The following DTX1 variants were observed in gnomAD, a reference collection of about 807,000 sequenced individuals.
DTX1 encodes E3 ubiquitin-protein ligase DTX1.
A neutral mutation model predicts 57.8 loss-of-function variants in DTX1; 26 were observed. That is an observed-to-expected ratio of 0.45 (90% CI 0.33 to 0.62). The LOEUF is 0.62. Ranked by LOEUF, DTX1 falls within the 20% of genes least tolerant of loss-of-function variation. The pLI is 0.02. For synonymous variants in DTX1, 398 were observed against 394.1 expected (o/e 1.01, Z -0.12); for missense variants, 704 against 895.3 (o/e 0.79, Z 2.73).
At chr12:113,081,629 G>T (rs2044818138) in intron 3 of DTX1, among the ~76,000 whole-genome samples, 1 of 152,206 alleles carries the variant, frequency 6.6e-6, no homozygotes, top group Non-Finnish European at 1.5e-5. Context: ...GAGGTGGCCA[G>T]ATGTGGAGAA....
chr12:113,079,515 C>CTTTTTTTTTTT lies in DTX1; in HGVS notation c.941+1430_941+1440dup, dbSNP rs3038193. 3.9e-5 allele frequency among the ~76,000 whole-genome samples: 3 copies of CTTTTTTTTTTT among 77,174 alleles called. 1 individual carries two copies. The highest frequency in any genetic ancestry group is 4.8e-4 in the South Asian group (1 of 2,072). The allele number at this position is 77,174 out of a possible 152,430, so 50.6% of individuals were successfully genotyped here. A position where few individuals can be genotyped will look rare whatever the true frequency, so the allele number is the denominator to read the frequency against. On this transcript the variant is annotated intron_variant, in intron 3 of 9. Coordinates refer to ENST00000548759, the MANE Select transcript of DTX1 (RefSeq NM_004416.3). ...TTCGAATCCCCTCTTGGCCACTTCT[C>CTTTTTTTTTTT]TTTTTTTTTTTTTTTTTTTTTTTTT...
At position 113,058,077 on chromosome 12, in the gene DTX1, G is replaced by A; in HGVS notation, c.-116G>A. 7.0e-7 allele frequency: 1 copy of A among 1,424,580 alleles called. No individual in the cohort carries two copies. Among genetic ancestry groups the A allele is most frequent in the Non-Finnish European group, 9.2e-7 (1 of 1,086,468 alleles). 88.2% of individuals were successfully genotyped at this position (1,424,580 alleles called of 1,614,324 possible). ...AGAGAGAACCCAGAGTTAGAAAGGA[G>A]GCCAGACGGTCCTTGCTGTCCCCCT... On this transcript the variant is annotated 5_prime_UTR_variant, in exon 2 of 10. Coordinates refer to ENST00000548759, the MANE Select transcript of DTX1 (RefSeq NM_004416.3).
At chr12:113,075,891 G>A (rs748904459) in intron 2 of DTX1, among the ~76,000 whole-genome samples, 1 of 152,156 alleles carries the variant, frequency 6.6e-6, no homozygotes, top group Non-Finnish European at 1.5e-5. Flanking sequence ...AGCACCTGCT[G>A]TGTGCAGGTG....
Position 113,077,965 on chromosome 12 carries a change from C to G in DTX1, c.801C>G (p.Ala267=), listed in dbSNP as rs958846705. The change falls in exon 3 of 10, where the codon GCC becomes GCG. Residue 267 remains alanine, a synonymous_variant. Transcript: ENST00000548759. This position sits in a 1 kb window ranked among gnomAD's most constrained non-coding sequence, Gnocchi z 7.8. ...ALWAAPAAGP[A]EPAPPPGAPP... is the part of the protein sequence containing the mutation. ...GGGCAGCGCCCGCCGCCGGCCCCGC[C>G]GAGCCCGCGCCGCCTCCCGGGGCGC... is the stretch of plus-strand genomic sequence containing the variant. The G allele has an allele frequency of 7.9e-6, 8 of 1,013,246 alleles. No individual in the cohort carries two copies. The highest frequency in any genetic ancestry group is 9.4e-6 in the Non-Finnish European group (8 of 850,054). The allele number at this position is 1,013,246 out of a possible 1,614,324, so 62.8% of individuals were successfully genotyped here.
chr12:113,093,556 C>T lies in DTX1; in HGVS notation c.1021C>T (p.Leu341=). ...ACCCCCAGGGATGACCGGGATACTGCTGTGCGCGGCCGGGCTGCCCGTGTG... is the reference window on the plus strand; with the variant it reads ...ACCCCCAGGGATGACCGGGATACTGTTGTGCGCGGCCGGGCTGCCCGTGTG... ...PALAGMTGIL[L]CAAGLPVCLT... Residue 341 remains leucine (L), a synonymous_variant, in exon 5 of 10, where the codon CTG becomes TTG. Coordinates refer to ENST00000548759, the MANE Select transcript of DTX1 (RefSeq NM_004416.3). The surrounding 1 kb of genome is among the most constrained non-coding windows in gnomAD (Gnocchi z 4.2). 3 of 1,608,990 alleles carry T rather than the reference C, an allele frequency of 1.9e-6. No individual in the cohort carries two copies. The highest frequency in any genetic ancestry group is 8.5e-7 in the Non-Finnish European group (1 of 1,177,948).
chr12:113,062,032 TACACACACACAC>T (rs35422556), intron 2 of DTX1, among the ~76,000 whole-genome samples: 30 of 142,500 alleles, frequency 2.1e-4, no homozygotes, highest in Middle Eastern at 3.5e-3. Flanking sequence ...TTATATTTCA[TACACACACACAC>T]ACACACACAC....
chr12:113,094,499 G>A (rs1950271060), intron 6 of DTX1, among the ~76,000 whole-genome samples: 1 of 152,128 alleles, frequency 6.6e-6, no homozygotes, highest in South Asian at 2.1e-4. Flanking sequence ...GATCTCTTGA[G>A]CCCAGGAGTT....
chr12:113,076,840 A>C (rs1343662040), intron 2 of DTX1, among the ~76,000 whole-genome samples: 1 of 152,174 alleles, frequency 6.6e-6, no homozygotes, highest in Non-Finnish European at 1.5e-5. Flanking sequence ...TGAGTGAGCA[A>C]ACTATAATGA....
At chr12:113,086,004 A>T (rs2044854077) in intron 3 of DTX1, among the ~76,000 whole-genome samples, 1 of 152,200 alleles carries the variant, frequency 6.6e-6, no homozygotes, top group African/African-American at 2.4e-5. Flanking sequence ...ACTGTGGCTC[A>T]CACCTGTAAT....
At chr12:113,080,301 G>A (rs2044807444) in intron 3 of DTX1, among the ~76,000 whole-genome samples, 1 of 152,216 alleles carries the variant, frequency 6.6e-6, no homozygotes, top group African/African-American at 2.4e-5. Flanking sequence ...AGATCTCAGG[G>A]GGCTGAAGTA....
At chr12:113,074,594 C>T (rs545098230) in intron 2 of DTX1, among the ~76,000 whole-genome samples, 5 of 152,166 alleles carry the variant, frequency 3.3e-5, no homozygotes, top group African/African-American at 9.7e-5. Flanking sequence ...TCCAAGTGAG[C>T]GGAAGCCAGG....
intron 9 of DTX1, 127 bp downstream of exon 9, chr12:113,095,541 G>A (rs2701622): frequency 0.77 from 944,045 of 1,222,462 alleles, 365,105 homozygotes; most frequent in Admixed American, 0.84. Context: ...AGCAGCACCC[G>A]AACAGTAACG....
intron 2 of DTX1, among the ~76,000 whole-genome samples, chr12:113,065,957 G>A (rs990570052): frequency 6.6e-6 from 1 of 152,120 alleles, no homozygotes; most frequent in Non-Finnish European, 1.5e-5. Flanking sequence ...GCCTCCGCCC[G>A]CCACCTCTGT....
intron 3 of DTX1, among the ~76,000 whole-genome samples, chr12:113,088,445 A>G (rs559534199): frequency 1.3e-4 from 20 of 152,362 alleles, no homozygotes; most frequent in African/African-American, 4.8e-4. Flanking sequence ...GGCGGCGTGG[A>G]CCAGATCATA....
At chr12:113,075,380 C>T (rs997603293) in intron 2 of DTX1, among the ~76,000 whole-genome samples, 2 of 152,212 alleles carry the variant, frequency 1.3e-5, no homozygotes, top group African/African-American at 4.8e-5. Context: ...GGATGATCAC[C>T]CCTCTTTTTG....
rs1427771198 is a variant in DTX1, at chr12:113,094,040, A to G, written c.1168A>G (p.Lys390Glu). The G allele has an allele frequency of 3.8e-6, 6 of 1,573,956 alleles. No individual in the cohort carries two copies. The highest frequency in any genetic ancestry group is 5.2e-6 in the Non-Finnish European group (6 of 1,158,768). ...KTKKKHLKKS[K>E]NPEDVVRRYM... The stretch of plus-strand genomic sequence containing the variant: ...CCCACCCCGCTGTGTCCCTGCAGGT[A>G]AGAATCCCGAGGATGTGGTTCGAAG... Residue 390 changes from lysine (K) to glutamate (E), a missense_variant and splice_region_variant, in exon 6 of 10, where the codon AAG (lysine) becomes GAG (glutamate). By Grantham distance (56) the Lys-to-Glu change is moderately conservative (BLOSUM62 1). This residue lies in a region of DTX1 where 299 missense variants were observed against 311.2 expected (regional missense o/e 0.96). Transcript: ENST00000548759.
At chr12:113,094,176 C>A in intron 6 of DTX1, 77 bp downstream of exon 6, 1 of 1,353,276 alleles carries the variant, frequency 7.4e-7, no homozygotes, top group South Asian at 1.3e-5. Context: ...CTCCTGGGTT[C>A]TGGGTGATAC....
At chr12:113,076,677 A>G (rs1397534521) in intron 2 of DTX1, among the ~76,000 whole-genome samples, 2 of 152,240 alleles carry the variant, frequency 1.3e-5, no homozygotes, top group Non-Finnish European at 2.9e-5. Flanking sequence ...GAATCAATGA[A>G]TGAATGAATC....
Position 113,077,363 on chromosome 12 carries a change from C to T in DTX1, c.260-61C>T. The T allele has an allele frequency of 6.5e-7, 1 of 1,528,830 alleles. No homozygotes were observed. The highest frequency in any genetic ancestry group is 8.7e-7 in the Non-Finnish European group (1 of 1,145,440). 94.7% of individuals were successfully genotyped at this position (1,528,830 alleles called of 1,614,324 possible). A position where few individuals can be genotyped will look rare whatever the true frequency, so the allele number is the denominator to read the frequency against. On this transcript the variant is annotated intron_variant, in intron 2 of 9. Transcript: ENST00000548759. The surrounding 1 kb of genome is among the most constrained non-coding windows in gnomAD (Gnocchi z 7.8). ...CCACCCTTGCCTGGCTGTGGCCCGC[C>T]CTTCCAGCCGCGCAGACCAACGCCC...
Sources: gnomAD v4.1 joint callset for allele counts (sites outside exome capture counted in the v4.1 genomes callset) on GRCh38, gnomAD v4.1.1 for gene constraint, gnomAD v4.1.1 regional missense constraint, Gnocchi (gnomAD v3.1) non-coding constraint, MANE v1.5 for transcripts, NCBI Gene and HGNC (gene_info 2026-07-23, HGNC 2026-07-21) for gene names.